TMPRSS15: variants seen among roughly 807,000 people sequenced by gnomAD.
The protein encoded by TMPRSS15 is transmembrane serine protease 15.
Under a neutral mutation model 125.3 loss-of-function variants are expected in TMPRSS15, and 128 were observed. That is an observed-to-expected ratio of 1.02 (90% CI 0.89 to 1.18). The LOEUF is 1.18. Ranked by LOEUF, TMPRSS15 falls within the 50% of genes most tolerant of loss-of-function variation. The pLI is 0.00. For synonymous variants in TMPRSS15, 446 were observed against 423.2 expected (o/e 1.05, Z -0.66); for missense variants, 1,283 against 1,212.7 (o/e 1.06, Z -0.86).
intron 4 of TMPRSS15, among the ~76,000 whole-genome samples, chr21:18,380,167 TCACACACACACA>T (rs34787707): frequency 5.7e-5 from 8 of 139,412 alleles, no homozygotes; most frequent in Non-Finnish European, 1.1e-4. Context: ...TATGGAGATG[TCACACACACACA>T]CACACACACA....
At chr21:18,368,374 G>GGGA (rs2075759481) in intron 6 of TMPRSS15, among the ~76,000 whole-genome samples, 1 of 152,152 alleles carries the variant, frequency 6.6e-6, no homozygotes, top group Non-Finnish European at 1.5e-5. Flanking sequence ...AAATCCCTTG[G>GGGA]AGTCAGATAA....
At chr21:18,437,811 A>C (rs1162208333) in intron 1 of TMPRSS15, among the ~76,000 whole-genome samples, 1 of 152,182 alleles carries the variant, frequency 6.6e-6, no homozygotes, top group Non-Finnish European at 1.5e-5. Flanking sequence ...GCAATCACTA[A>C]AAAGTCAGGA....
chr21:18,337,298 T>C (rs2075401699), intron 13 of TMPRSS15, among the ~76,000 whole-genome samples: 1 of 152,222 alleles, frequency 6.6e-6, no homozygotes, highest in African/African-American at 2.4e-5. Flanking sequence ...AAATATTTAA[T>C]ACTATAGCTA....
chr21:18,374,725 T>C (rs575904123), intron 5 of TMPRSS15, among the ~76,000 whole-genome samples: 3 of 152,202 alleles, frequency 2.0e-5, no homozygotes, highest in African/African-American at 7.2e-5. Context: ...TGTTGGACCA[T>C]GTGAAACACC....
chr21:18,443,814 G>A (rs1056896292), intron 1 of TMPRSS15, among the ~76,000 whole-genome samples: 32 of 152,296 alleles, frequency 2.1e-4, no homozygotes, highest in African/African-American at 7.2e-4. Flanking sequence ...AGACAAGCAG[G>A]CAATGCTTTC....
rs1408156983 is a variant in TMPRSS15 at position 18,396,792 on chromosome 21, A to AATCTGTCTG, written c.344+1086_344+1087insCAGACAGAT. Among the ~76,000 whole-genome samples the AATCTGTCTG allele has an allele frequency of 5.5e-4, 62 of 112,786 alleles. 2 individuals are homozygous for AATCTGTCTG. The highest frequency in any genetic ancestry group is 1.9e-3 in the African/African-American group (57 of 29,268). The allele number at this position is 112,786 out of a possible 152,430, so 74.0% of individuals were successfully genotyped here. On this transcript the variant is annotated intron_variant, in intron 3 of 24. Coordinates refer to ENST00000284885, the MANE Select transcript of TMPRSS15 (RefSeq NM_002772.3). ...CTGTCTCAAAAAAAAAAAAAAAAAAATCTGTCTGTCTGTCTGTCTATCTAT... is the reference window on the plus strand; with the variant it reads ...CTGTCTCAAAAAAAAAAAAAAAAAAAATCTGTCTGTCTGTCTGTCTGTCTGTCTATCTAT...
chr21:18,372,492 T>C (rs1040398946), intron 5 of TMPRSS15, among the ~76,000 whole-genome samples, 168 bp from the exon 6 acceptor site: 2 of 152,186 alleles, frequency 1.3e-5, no homozygotes, highest in Non-Finnish European at 2.9e-5. Flanking sequence ...TTAGAGCATT[T>C]TAAATTTTGA....
chr21:18,401,629 AC>A (rs1192214441), intron 1 of TMPRSS15, among the ~76,000 whole-genome samples: 5 of 152,168 alleles, frequency 3.3e-5, no homozygotes, highest in Non-Finnish European at 4.4e-5. Flanking sequence ...ACTTCTGGGT[AC>A]TATGCTCAGT....
At chr21:18,450,415 G>A (rs1359145562) in intron 1 of TMPRSS15, among the ~76,000 whole-genome samples, 1 of 152,006 alleles carries the variant, frequency 6.6e-6, no homozygotes, top group African/African-American at 2.4e-5. Flanking sequence ...CTGAAAACGT[G>A]GAACCTCAAT....
At chr21:18,414,631 T>A (rs1414335796) in intron 1 of TMPRSS15, among the ~76,000 whole-genome samples, 1 of 152,224 alleles carries the variant, frequency 6.6e-6, no homozygotes, top group Non-Finnish European at 1.5e-5. Context: ...AGTGGCTTAT[T>A]TCACTTAGCA....
intron 1 of TMPRSS15, among the ~76,000 whole-genome samples, chr21:18,480,344 G>A (rs956513515): frequency 4.6e-5 from 7 of 151,808 alleles, no homozygotes; most frequent in African/African-American, 1.2e-4. Context: ...CTCTTAGGTG[G>A]TGCTGTAGGT....
At chr21:18,480,001 A>G (rs1023877041) in intron 1 of TMPRSS15, among the ~76,000 whole-genome samples, 6 of 152,054 alleles carry the variant, frequency 3.9e-5, no homozygotes, top group South Asian at 2.1e-4. Context: ...ATGCCCATCA[A>G]TGATAGACTG....
rs144182911 is a variant in TMPRSS15, at chr21:18,381,229, G to T, written c.497-1911C>A. The stretch of plus-strand genomic sequence containing the variant: ...AAGTATATTCGTTTCTACTAACTAG[G>T]TGGTTTATTTCAGCATTTCATCATT... On this transcript the variant is annotated intron_variant, in intron 4 of 24. Coordinates refer to ENST00000284885, the MANE Select transcript of TMPRSS15 (RefSeq NM_002772.3). Among the ~76,000 whole-genome samples, 556 of 152,188 alleles carry T rather than the reference G, an allele frequency of 3.7e-3. 3 individuals are homozygous for T. Among genetic ancestry groups the T allele is most frequent in the African/African-American group, 0.013 (532 of 41,546 alleles).
Position 18,394,817 on chromosome 21 carries a change from G to A in TMPRSS15, c.344+3062C>T, listed in dbSNP as rs1456705577. 2.6e-5 allele frequency among the ~76,000 whole-genome samples: 4 copies of A among 151,938 alleles called. No homozygotes were observed. The East Asian group carries it at 7.7e-4, about 29-fold the overall frequency. The stretch of plus-strand genomic sequence containing the variant: ...TCAGTACACCTTTAAATCCAGTGAC[G>A]GATTCTTATAAAGGCTATTTCTCCA... On this transcript the variant is annotated intron_variant, in intron 3 of 24. Coordinates refer to ENST00000284885, the MANE Select transcript of TMPRSS15 (RefSeq NM_002772.3).
At position 18,316,968 on chromosome 21, in the gene TMPRSS15, C is replaced by G. The variant is rs554882622; in HGVS notation, c.1922-1712G>C. On this transcript the variant is annotated intron_variant, in intron 16 of 24. Coordinates refer to ENST00000284885, the MANE Select transcript of TMPRSS15 (RefSeq NM_002772.3). The stretch of plus-strand genomic sequence containing the variant: ...GGTGTGGAGAGGCTCAATGTCTTAT[C>G]CCCTACATGGCACGTGAACAATCAT... Among the ~76,000 whole-genome samples the G allele has an allele frequency of 4.6e-5, 7 of 152,164 alleles. No individual in the cohort carries two copies. The South Asian group carries it at 1.2e-3, about 27-fold the overall frequency.
intron 5 of TMPRSS15, among the ~76,000 whole-genome samples, chr21:18,372,901 G>A (rs1239859633): frequency 6.6e-6 from 1 of 152,124 alleles, no homozygotes; most frequent in Non-Finnish European, 1.5e-5. Flanking sequence ...GATGCACCAA[G>A]AAACACATTT....
chr21:18,427,013 G>C (rs200862086), intron 1 of TMPRSS15, among the ~76,000 whole-genome samples: 1 of 152,074 alleles, frequency 6.6e-6, no homozygotes, highest in Non-Finnish European at 1.5e-5. Flanking sequence ...ATCCCTTTTG[G>C]TGTTTGTTAA....
intron 1 of TMPRSS15, among the ~76,000 whole-genome samples, chr21:18,413,270 TTC>T (rs1257724904): frequency 7.4e-6 from 1 of 135,470 alleles, no homozygotes; most frequent in African/African-American, 2.8e-5. Context: ...TTCTTTCTCT[TTC>T]TTTTTCTTTT....
rs143225760 is a variant in TMPRSS15, at chr21:18,459,345, C to T, written c.10+26454G>A. ...CTGGAGTGCAGTGGCACTATCTTGG[C>T]TCATTGCAACCTCTGCCTCCCAAGT... On this transcript the variant is annotated intron_variant, in intron 1 of 7. Transcript: ENST00000422787. Among the ~76,000 whole-genome samples, 56 of 151,888 alleles carry T rather than the reference C, an allele frequency of 3.7e-4. No individual in the cohort carries two copies. In the East Asian group the frequency reaches 8.5e-3, roughly 23 times the overall value.
Sources: gnomAD v4.1 joint callset for allele counts (sites outside exome capture counted in the v4.1 genomes callset) on GRCh38, gnomAD v4.1.1 for gene constraint, MANE v1.5 for transcripts, NCBI Gene and HGNC (gene_info 2026-07-23, HGNC 2026-07-21) for gene names.